GALNT18: variants seen among roughly 807,000 people sequenced by gnomAD.
GALNT18 encodes the protein polypeptide N-acetylgalactosaminyltransferase 18, also known as GalNAc-transferase 18.
In GALNT18, 44 loss-of-function variants were observed where a neutral mutation model predicts 69.5. That is an observed-to-expected ratio of 0.63 (90% CI 0.50 to 0.81). GALNT18 has a LOEUF of 0.81. Ranked by LOEUF, GALNT18 falls within the 40% of genes least tolerant of loss-of-function variation. The pLI, the probability that GALNT18 is intolerant of heterozygous loss-of-function variation, is 0.00. For synonymous variants in GALNT18, 364 were observed against 318.2 expected (o/e 1.14, Z -1.53); for missense variants, 715 against 810.0 (o/e 0.88, Z 1.42).
At chr11:11,281,749 G>T (rs903836723) in intron 10 of GALNT18, among the ~76,000 whole-genome samples, 47 of 152,062 alleles carry the variant, frequency 3.1e-4, no homozygotes, top group African/African-American at 1.0e-3. Flanking sequence ...GACTAGAAGT[G>T]CGGTGACCCT....
intron 1 of GALNT18, among the ~76,000 whole-genome samples, chr11:11,504,992 G>C (rs2133904400): frequency 6.6e-6 from 1 of 152,226 alleles, no homozygotes; most frequent in South Asian, 2.1e-4. Context: ...GAAGCTACAA[G>C]CACATAAACA....
intron 5 of GALNT18, among the ~76,000 whole-genome samples, chr11:11,374,962 C>T (rs1853707409): frequency 6.6e-6 from 1 of 152,170 alleles, no homozygotes; most frequent in African/African-American, 2.4e-5. Flanking sequence ...GTGAAAATGT[C>T]ATATTAATTG....
chr11:11,600,452 T>C lies in GALNT18; in HGVS notation c.235+20907A>G, dbSNP rs1489938474. On this transcript the variant is annotated intron_variant, in intron 1 of 10. Coordinates refer to ENST00000227756, the MANE Select transcript of GALNT18 (RefSeq NM_198516.3). This position sits in a 1 kb window ranked among gnomAD's most constrained non-coding sequence, Gnocchi z 4.8. Reference sequence around the variant, plus strand: ...GGTTAACTTTTTTTTCTTTCAGCACTTTGAATATATCATCCCACTGCCTTT... The same window carrying C: ...GGTTAACTTTTTTTTCTTTCAGCACCTTGAATATATCATCCCACTGCCTTT... 6.6e-6 allele frequency among the ~76,000 whole-genome samples: 1 copy of C among 152,120 alleles called. No individual in the cohort carries two copies. The highest frequency in any genetic ancestry group is 1.9e-4 in the East Asian group (1 of 5,196).
At chr11:11,428,605 TTCC>T (rs1855190843) in intron 3 of GALNT18, among the ~76,000 whole-genome samples, 1 of 152,216 alleles carries the variant, frequency 6.6e-6, no homozygotes, top group Admixed American at 6.5e-5. Flanking sequence ...GGATCCCATC[TTCC>T]TCCTCAGAGG....
chr11:11,449,011 C>G, intron 1 of GALNT18, 75 bp from the exon 2 acceptor site: 3 of 1,225,888 alleles, frequency 2.4e-6, no homozygotes, highest in Non-Finnish European at 3.3e-6. Context: ...CTTTCCCTTC[C>G]TCACAAACAG....
intron 9 of GALNT18, among the ~76,000 whole-genome samples, chr11:11,322,440 G>C (rs1432907772): frequency 6.6e-6 from 1 of 152,228 alleles, no homozygotes. Flanking sequence ...ACAGGTGTCA[G>C]AAAGCAGAGC....
chr11:11,536,759 A>G (rs1368507410), intron 1 of GALNT18, among the ~76,000 whole-genome samples: 1 of 152,246 alleles, frequency 6.6e-6, no homozygotes, highest in Non-Finnish European at 1.5e-5. Flanking sequence ...GTTTAGCAAA[A>G]TGACGTTCAG....
In GALNT18 at chr11:11,339,575, G is replaced by A. The variant is rs1002330469; in HGVS notation, c.1278+1244C>T. Among the ~76,000 whole-genome samples the A allele has an allele frequency of 4.6e-5, 7 of 152,162 alleles. No homozygotes were observed. The highest frequency in any genetic ancestry group is 7.3e-5 in the Non-Finnish European group (5 of 68,034). On this transcript the variant is annotated intron_variant, in intron 7 of 10. Transcript: ENST00000227756. This position sits in a 1 kb window ranked among gnomAD's most constrained non-coding sequence, Gnocchi z 5.2. ...GGCTTGGCACCCCGTGCAGAATACC[G>A]TGATTCAATCCTGACCATGAGTCCA...
intron 1 of GALNT18, among the ~76,000 whole-genome samples, chr11:11,581,019 G>T (rs867979900): frequency 3.1e-4 from 47 of 152,376 alleles, no homozygotes; most frequent in Middle Eastern, 3.4e-3. Context: ...TGCGGCCGTT[G>T]GAAAGAGGGA....
chr11:11,620,744 A>G lies in GALNT18; in HGVS notation c.235+615T>C, dbSNP rs1860172104. On this transcript the variant is annotated intron_variant, in intron 1 of 10. Coordinates refer to ENST00000227756, the MANE Select transcript of GALNT18 (RefSeq NM_198516.3). This position sits in a 1 kb window ranked among gnomAD's most constrained non-coding sequence, Gnocchi z 6.9. ...TGGACCCGCGGGCTGTGGTGGGGGTAGGGACTGCTATAGGTTCAAGCGGCT... is the reference window on the plus strand; with the variant it reads ...TGGACCCGCGGGCTGTGGTGGGGGTGGGGACTGCTATAGGTTCAAGCGGCT... 6.6e-6 allele frequency among the ~76,000 whole-genome samples: 1 copy of G among 152,104 alleles called. No homozygotes were observed. Among genetic ancestry groups the G allele is most frequent in the South Asian group, 2.1e-4 (1 of 4,828 alleles).
chr11:11,517,496 G>A (rs1857307373), intron 1 of GALNT18, among the ~76,000 whole-genome samples: 1 of 152,190 alleles, frequency 6.6e-6, no homozygotes, highest in Admixed American at 6.5e-5. Flanking sequence ...CACATATATG[G>A]ACTTAATTTA....
intron 1 of GALNT18, among the ~76,000 whole-genome samples, chr11:11,560,163 T>TAAAATGAGATATGAAGGGATG (rs1858466784): frequency 1.2e-5 from 1 of 80,634 alleles, no homozygotes; most frequent in Non-Finnish European, 2.6e-5. Context: ...ATGGGATGTA[T>TAAAATGAGATATGAAGGGATG]GGGATGGGAT....
At chr11:11,576,645 G>A (rs56401090) in intron 1 of GALNT18, among the ~76,000 whole-genome samples, 6,863 of 152,272 alleles carry the variant, frequency 0.045, 335 homozygotes, top group African/African-American at 0.12. Context: ...ATGAAGCTAG[G>A]ACTCGACCCT....
Position 11,511,100 on chromosome 11 carries a change from G to A in GALNT18, c.236-62164C>T, listed in dbSNP as rs1857155175. Among the ~76,000 whole-genome samples the A allele has an allele frequency of 2.0e-5, 3 of 151,480 alleles. No individual in the cohort carries two copies. Among genetic ancestry groups the A allele is most frequent in the Non-Finnish European group, 4.4e-5 (3 of 67,676 alleles). On this transcript the variant is annotated intron_variant, in intron 1 of 10. Coordinates refer to ENST00000227756, the MANE Select transcript of GALNT18 (RefSeq NM_198516.3). This position sits in a 1 kb window ranked among gnomAD's most constrained non-coding sequence, Gnocchi z 4.9. ...AGGTGATGCAAGAGAGGGCCAGGCT[G>A]CAGCTGAAGGCCTTCTCTCCCGGGG...
rs1849797273 is a variant in GALNT18 at position 11,318,817 on chromosome 11, C to T, written c.1512+8269G>A. Among the ~76,000 whole-genome samples, 1 of 152,160 alleles carries T rather than the reference C, an allele frequency of 6.6e-6. No homozygotes were observed. Among genetic ancestry groups the T allele is most frequent in the South Asian group, 2.1e-4 (1 of 4,826 alleles). On this transcript the variant is annotated intron_variant, in intron 9 of 10. Coordinates refer to ENST00000227756, the MANE Select transcript of GALNT18 (RefSeq NM_198516.3). The surrounding 1 kb of genome is among the most constrained non-coding windows in gnomAD (Gnocchi z 5.1). The stretch of plus-strand genomic sequence containing the variant: ...CTGTCCTTTTAATATTATCCTGGGA[C>T]ATTAACGGGCCCATCCAAGAGTATG...
At chr11:11,277,527 T>C (rs1848974919) in intron 10 of GALNT18, among the ~76,000 whole-genome samples, 2 of 152,202 alleles carry the variant, frequency 1.3e-5, no homozygotes. Flanking sequence ...CTTAGTTATT[T>C]CTTTCCTTCT....
At position 11,587,288 on chromosome 11, in the gene GALNT18, G is replaced by A. The variant is rs1247458772; in HGVS notation, c.235+34071C>T. ...AAATGAGGAAACTTGGAGGCAATTT[G>A]AGACTTGGGCTGAAAGGGGAAGCAT... On this transcript the variant is annotated intron_variant, in intron 1 of 10. Coordinates refer to ENST00000227756, the MANE Select transcript of GALNT18 (RefSeq NM_198516.3). This position sits in a 1 kb window ranked among gnomAD's most constrained non-coding sequence, Gnocchi z 4.4. Among the ~76,000 whole-genome samples, 1 of 152,194 alleles carries A rather than the reference G, an allele frequency of 6.6e-6. No homozygotes were observed.
Position 11,415,356 on chromosome 11 carries a change from A to G in GALNT18, c.595+17265T>C, listed in dbSNP as rs1446386183. Among the ~76,000 whole-genome samples the G allele has an allele frequency of 6.6e-6, 1 of 152,186 alleles. No individual in the cohort carries two copies. The highest frequency in any genetic ancestry group is 2.4e-5 in the African/African-American group (1 of 41,448). ...GGCTGGGAAGGGTGGGGGATGACTT[A>G]GAATTCTGCCCACACAGTGATCAAT... On this transcript the variant is annotated intron_variant, in intron 3 of 10. Transcript: ENST00000227756. The surrounding 1 kb of genome is among the most constrained non-coding windows in gnomAD (Gnocchi z 4.1).
At chr11:11,403,776 A>C (rs1334547959) in intron 3 of GALNT18, among the ~76,000 whole-genome samples, 1 of 151,504 alleles carries the variant, frequency 6.6e-6, no homozygotes, top group Non-Finnish European at 1.5e-5. Flanking sequence ...TGCTGTGCCA[A>C]CTCTCCCCCT....
Sources: gnomAD v4.1 joint callset for allele counts (sites outside exome capture counted in the v4.1 genomes callset) on GRCh38, gnomAD v4.1.1 for gene constraint, Gnocchi (gnomAD v3.1) non-coding constraint, MANE v1.5 for transcripts, NCBI Gene and HGNC (gene_info 2026-07-23, HGNC 2026-07-21) for gene names.